Variants in RRAGB observed in about 807,000 individuals in gnomAD.
RRAGB encodes the protein Ras related GTP binding B, also known as ras-related GTP-binding protein B.
RRAGB carries 6 observed loss-of-function variants against 29.3 expected under a neutral mutation model. That is an observed-to-expected ratio of 0.21 (90% CI 0.11 to 0.40). RRAGB has a LOEUF of 0.40. Ranked by LOEUF, RRAGB falls within the 10% of genes least tolerant of loss-of-function variation. The pLI is 1.00. For missense variants in RRAGB, 184 were observed against 272.9 expected (o/e 0.67, Z 2.29); for synonymous variants, 101 against 92.5 (o/e 1.09, Z -0.53).
chrX:55,718,203 G>C lies in RRAGB; in HGVS notation c.-125G>C. ...CAAAGGCGGAGGCAAGAATAGAGCA[G>C]GCCTGAGGGCCATAGGCGATGAGAA... On this transcript the variant is annotated 5_prime_UTR_variant, in exon 1 of 10. Transcript: ENST00000374941. 1 of 466,526 alleles carries C rather than the reference G, an allele frequency of 2.1e-6. No individual in the cohort carries two copies. 38.4% of individuals were successfully genotyped at this position (466,526 alleles called of 1,213,427 possible). A position where few individuals can be genotyped will look rare whatever the true frequency, so the allele number is the denominator to read the frequency against.
At chrX:55,738,762 T>C (rs761419416) in intron 5 of RRAGB, among the ~76,000 whole-genome samples, 1 of 112,057 alleles carries the variant, frequency 8.9e-6, no homozygotes, top group Non-Finnish European at 1.9e-5. Context: ...GCCTGGCTTA[T>C]GATACTCAGG....
intron 7 of RRAGB, among the ~76,000 whole-genome samples, chrX:55,754,524 G>A (rs2034608350): frequency 8.9e-6 from 1 of 112,335 alleles, no homozygotes; most frequent in Non-Finnish European, 1.9e-5. Context: ...AATGCTTGGT[G>A]ATTTTAGAAA....
intron 3 of RRAGB, among the ~76,000 whole-genome samples, chrX:55,725,109 A>G (rs1238251125): frequency 1.8e-5 from 2 of 112,232 alleles, no homozygotes; most frequent in Admixed American, 9.5e-5. Flanking sequence ...TAGTTTTGAC[A>G]TAACCTAGCA....
chrX:55,732,119 C>G (rs760837083), intron 5 of RRAGB, among the ~76,000 whole-genome samples: 2 of 112,127 alleles, frequency 1.8e-5, no homozygotes, highest in African/African-American at 6.5e-5. Context: ...GGTGATGTCA[C>G]CAAGATAGTG....
At chrX:55,735,790 T>C (rs945789753) in intron 5 of RRAGB, among the ~76,000 whole-genome samples, 5 of 112,572 alleles carry the variant, frequency 4.4e-5, no homozygotes, top group Non-Finnish European at 9.4e-5. Flanking sequence ...GCATTTCTTA[T>C]AGGTCTGGTC....
intron 5 of RRAGB, among the ~76,000 whole-genome samples, chrX:55,744,097 G>A (rs1396491023): frequency 1.8e-5 from 2 of 110,119 alleles, no homozygotes; most frequent in Non-Finnish European, 3.8e-5. Context: ...AAAAAAGAGA[G>A]GGTAGTATAG....
chrX:55,720,920 G>A (rs376544792), intron 2 of RRAGB, among the ~76,000 whole-genome samples: 32 of 111,176 alleles, frequency 2.9e-4, no homozygotes, highest in African/African-American at 1.0e-3. Flanking sequence ...AGGAAAGCAA[G>A]GTAATTGGAA....
At chrX:55,737,323 T>A (rs1196317189) in intron 5 of RRAGB, among the ~76,000 whole-genome samples, 1 of 112,633 alleles carries the variant, frequency 8.9e-6, no homozygotes, top group Non-Finnish European at 1.9e-5. Flanking sequence ...ACTTTACTTC[T>A]TGTGCAAGCC....
At chrX:55,727,458 C>G in intron 3 of RRAGB, 1 of 525,158 alleles carries the variant, frequency 1.9e-6, no homozygotes, top group Non-Finnish European at 3.4e-6. Flanking sequence ...TGAGCACCTA[C>G]TATGTGCCAG....
Position 55,758,232 on chromosome X carries a change from G to C in RRAGB, c.944-14G>C. ...ATACTTAATTCTGTTGGGTGTTTCC[G>C]CCCCCGCCCTCAGCTTCTGCAGCTA... On this transcript the variant is annotated splice_polypyrimidine_tract_variant and intron_variant, in intron 9 of 9. Coordinates refer to ENST00000374941, the MANE Select transcript of RRAGB (RefSeq NM_006064.5). 8.7e-7 allele frequency: 1 copy of C among 1,153,814 alleles called. No individual in the cohort carries two copies.
At chrX:55,719,659 C>T (rs1046414465) in intron 2 of RRAGB, among the ~76,000 whole-genome samples, 2 of 112,127 alleles carry the variant, frequency 1.8e-5, no homozygotes, top group African/African-American at 6.5e-5. Context: ...CCTATCACAG[C>T]CCTACAGAAT....
At position 55,757,264 on chromosome X, in the gene RRAGB, C is replaced by T. The variant is rs770672037; in HGVS notation, c.876C>T (p.Phe292=). The stretch of plus-strand genomic sequence containing the variant: ...GTATGGAAGTCAGGAACTCTAACTT[C>T]GCTGCTTTCATTGACATCTTTACAT... ...FQSMEVRNSN[F]AAFIDIFTSN... The change falls in exon 9 of 10, where the codon TTC becomes TTT. Residue 292 remains phenylalanine (F), a synonymous_variant. Transcript: ENST00000374941. 1.3e-5 allele frequency: 15 copies of T among 1,193,652 alleles called. No homozygotes were observed. Among genetic ancestry groups the T allele is most frequent in the African/African-American group, 3.5e-5 (2 of 57,129 alleles).
intron 5 of RRAGB, among the ~76,000 whole-genome samples, chrX:55,748,899 C>A (rs778847294): frequency 2.0e-5 from 2 of 99,876 alleles, no homozygotes; most frequent in Admixed American, 1.0e-4. Flanking sequence ...CCGCCCCATC[C>A]GGGAGGGAGG....
At chrX:55,749,379 G>A (rs909284742) in intron 5 of RRAGB, among the ~76,000 whole-genome samples, 10 of 96,773 alleles carry the variant, frequency 1.0e-4, no homozygotes, top group East Asian at 3.5e-4. Context: ...GTCAGCCCCC[G>A]CCCGGTCAGC....
At chrX:55,750,612 A>G (rs896672899) in intron 5 of RRAGB, among the ~76,000 whole-genome samples, 1 of 111,694 alleles carries the variant, frequency 9.0e-6, no homozygotes, top group Non-Finnish European at 1.9e-5. Flanking sequence ...ATTAACCATA[A>G]CAGTGTGTAT....
chrX:55,735,961 T>C (rs1270712969), intron 5 of RRAGB, among the ~76,000 whole-genome samples: 2 of 112,517 alleles, frequency 1.8e-5, no homozygotes, highest in Non-Finnish European at 3.8e-5. Flanking sequence ...TTGTAAGGTT[T>C]CTGCTGAGAA....
chrX:55,754,135 G>A (rs1472168990), intron 7 of RRAGB, among the ~76,000 whole-genome samples: 1 of 112,786 alleles, frequency 8.9e-6, no homozygotes, highest in Non-Finnish European at 1.9e-5. Context: ...ATTATGAAAT[G>A]TGGGATATTT....
rs1478266421 is a variant in RRAGB at position 55,718,021 on chromosome X, G to A, written c.-307G>A. On this transcript the variant is annotated 5_prime_UTR_variant, in exon 1 of 10. Coordinates refer to ENST00000374941, the MANE Select transcript of RRAGB (RefSeq NM_006064.5). ...CCTTGGGGGCCTGAGGCCCAAACTCGGGACGAACCCCTAACCCACCTCTCT... is the reference window on the plus strand; with the variant it reads ...CCTTGGGGGCCTGAGGCCCAAACTCAGGACGAACCCCTAACCCACCTCTCT... The A allele has an allele frequency of 5.1e-6, 1 of 197,655 alleles. No homozygotes were observed. Among genetic ancestry groups the A allele is most frequent in the African/African-American group, 2.9e-5 (1 of 34,565 alleles). 16.3% of individuals were successfully genotyped at this position (197,655 alleles called of 1,213,427 possible).
intron 3 of RRAGB, among the ~76,000 whole-genome samples, chrX:55,726,519 A>G (rs2033482768): frequency 9.0e-6 from 1 of 111,678 alleles, no homozygotes; most frequent in African/African-American, 3.3e-5. Flanking sequence ...CTATTTTAAT[A>G]GACCAGGTGA....
Sources: allele counts gnomAD v4.1 joint callset (sites outside exome capture counted in the v4.1 genomes callset), GRCh38; gene constraint gnomAD v4.1.1; transcripts MANE v1.5; gene names NCBI Gene and HGNC (gene_info 2026-07-23, HGNC 2026-07-21).